The following TMEM35A variants were observed in gnomAD, a reference collection of about 807,000 sequenced individuals.
TMEM35A encodes nicotinic acetylcholine receptor chaperone.
For synonymous variants in TMEM35A, 50 were observed against 54.7 expected, an observed-to-expected ratio of 0.91 and a Z score of 0.38; for missense variants, 83 against 132.7, an observed-to-expected ratio of 0.63 and a Z score of 1.84.
At chrX:101,084,188 CAA>C (rs746718674) in intron 1 of TMEM35A, among the ~76,000 whole-genome samples, 1,505 of 32,209 alleles carry the variant, frequency 0.047, 33 homozygotes, top group African/African-American at 0.13. Flanking sequence ...AACTCCATCT[CAA>C]AAAAAAAAAA....
Position 101,088,399 on chromosome X carries a change from C to A in TMEM35A, c.121-6174C>A, listed in dbSNP as rs1051487972. On this transcript the variant is annotated intron_variant, in intron 1 of 1. Coordinates refer to ENST00000372930, the MANE Select transcript of TMEM35A (RefSeq NM_021637.3). ...GGCTGAGGCAGGAGGATCACTTGAG[C>A]CCAGGAGTTTGAGACAGGCCTAGGC... 2.7e-5 allele frequency among the ~76,000 whole-genome samples: 3 copies of A among 110,247 alleles called. No individual in the cohort carries two copies. In the Admixed American group the frequency reaches 2.9e-4, roughly 11 times the overall value.
chrX:101,084,114 G>C (rs1186325256), intron 1 of TMEM35A, among the ~76,000 whole-genome samples: 1 of 102,089 alleles, frequency 9.8e-6, no homozygotes, highest in African/African-American at 3.6e-5. Context: ...CTTGAACCTG[G>C]GAGGCGGAGG....
At chrX:101,090,815 T>A (rs1040486547) in intron 1 of TMEM35A, among the ~76,000 whole-genome samples, 7 of 109,390 alleles carry the variant, frequency 6.4e-5, no homozygotes, top group Non-Finnish European at 9.5e-5. Flanking sequence ...CCACATCCAA[T>A]GAGACACCAA....
At chrX:101,083,027 A>G (rs2089297222) in intron 1 of TMEM35A, among the ~76,000 whole-genome samples, 1 of 111,802 alleles carries the variant, frequency 8.9e-6, no homozygotes. Context: ...TAATATTGAA[A>G]AATCCACACT....
At chrX:101,085,288 G>T (rs1281509191) in intron 1 of TMEM35A, among the ~76,000 whole-genome samples, 1 of 111,386 alleles carries the variant, frequency 9.0e-6, no homozygotes, top group Admixed American at 9.6e-5. Flanking sequence ...ATGACAAAAA[G>T]GAAAAAAAGG....
chrX:101,079,160 A>G (rs1313304612), intron 1 of TMEM35A, 38 bp downstream of exon 1: 3 of 1,200,460 alleles, frequency 2.5e-6, no homozygotes, highest in Admixed American at 4.4e-5. Flanking sequence ...GCGCACTCCC[A>G]TGGGATTGCG....
chrX:101,082,345 T>C (rs1160817887), intron 1 of TMEM35A, among the ~76,000 whole-genome samples: 2 of 97,467 alleles, frequency 2.1e-5, no homozygotes, highest in Non-Finnish European at 4.1e-5. Context: ...CAGGCTTGGG[T>C]TCAGGTCCTG....
intron 1 of TMEM35A, among the ~76,000 whole-genome samples, chrX:101,088,385 G>T (rs1451682685): frequency 1.8e-5 from 2 of 112,275 alleles, no homozygotes; most frequent in East Asian, 5.6e-4. Context: ...GCTGAGGCAG[G>T]AGGATCACTT....
intron 1 of TMEM35A, among the ~76,000 whole-genome samples, chrX:101,094,187 C>T (rs2148111860): frequency 9.1e-6 from 1 of 110,197 alleles, no homozygotes; most frequent in African/African-American, 3.3e-5. Context: ...GCAATCTCAG[C>T]TCGCTGCAAT....
intron 1 of TMEM35A, among the ~76,000 whole-genome samples, chrX:101,092,705 CA>C (rs753771541): frequency 0.018 from 1,558 of 85,187 alleles, 38 homozygotes; most frequent in African/African-American, 0.056. Context: ...ACTAAAAATA[CA>C]AAAAAAAAAA....
intron 1 of TMEM35A, among the ~76,000 whole-genome samples, chrX:101,091,719 T>C (rs2089324894): frequency 8.9e-6 from 1 of 112,145 alleles, no homozygotes; most frequent in African/African-American, 3.2e-5. Context: ...CTCTCCTATT[T>C]CATGTCTCCC....
At chrX:101,080,877 G>A (rs17003846) in intron 1 of TMEM35A, among the ~76,000 whole-genome samples, 16,680 of 109,533 alleles carry the variant, frequency 0.15, 1,090 homozygotes, top group Middle Eastern at 0.2. Flanking sequence ...AGCTGCTTCA[G>A]AGGCCCCCCC....
chrX:101,083,069 C>T (rs953923757), intron 1 of TMEM35A, among the ~76,000 whole-genome samples: 14 of 111,901 alleles, frequency 1.3e-4, no homozygotes, highest in African/African-American at 3.6e-4. Flanking sequence ...GGATCTCATG[C>T]AGAACTTCCA....
intron 1 of TMEM35A, among the ~76,000 whole-genome samples, chrX:101,080,854 C>A (rs143759617): frequency 0.11 from 11,603 of 109,862 alleles, 500 homozygotes; most frequent in Middle Eastern, 0.15. Context: ...TCCCTGCCCT[C>A]CAGACCCTAG....
At chrX:101,090,776 AT>A (rs898992762) in intron 1 of TMEM35A, among the ~76,000 whole-genome samples, 2 of 110,879 alleles carry the variant, frequency 1.8e-5, no homozygotes, top group African/African-American at 3.3e-5. Flanking sequence ...CCTGAGAATC[AT>A]TCTTGACTCT....
At chrX:101,086,535 G>C (rs753795382) in intron 1 of TMEM35A, among the ~76,000 whole-genome samples, 5 of 112,118 alleles carry the variant, frequency 4.5e-5, no homozygotes, top group Non-Finnish European at 9.4e-5. Context: ...TTGAATCTGA[G>C]GGGAAACTGA....
intron 1 of TMEM35A, among the ~76,000 whole-genome samples, chrX:101,082,769 G>C (rs914303215): frequency 3.6e-5 from 4 of 109,639 alleles, no homozygotes; most frequent in Non-Finnish European, 5.7e-5. Flanking sequence ...CTCAGCCTCC[G>C]GAGTAGCTGG....
chrX:101,092,196 A>G (rs1459933206), intron 1 of TMEM35A, among the ~76,000 whole-genome samples: 1 of 106,334 alleles, frequency 9.4e-6, no homozygotes, highest in Non-Finnish European at 1.9e-5. Flanking sequence ...CCTGGAAAGC[A>G]AAAAAAAAAG....
At chrX:101,084,525 C>T (rs1279960363) in intron 1 of TMEM35A, among the ~76,000 whole-genome samples, 1 of 111,181 alleles carries the variant, frequency 9.0e-6, no homozygotes, top group African/African-American at 3.3e-5. Flanking sequence ...GTATGCAGCT[C>T]AAGGAATTTT....
Sources: gnomAD v4.1 joint callset for allele counts (sites outside exome capture counted in the v4.1 genomes callset) on GRCh38, gnomAD v4.1.1 for gene constraint, MANE v1.5 for transcripts, NCBI Gene and HGNC (gene_info 2026-07-23, HGNC 2026-07-21) for gene names.